The following CDH1 variants were observed in gnomAD, a reference collection of about 807,000 sequenced individuals.
The protein encoded by CDH1 is cadherin 1.
CDH1 carries 35 observed loss-of-function variants against 84.5 expected under a neutral mutation model. That is an observed-to-expected ratio of 0.41 (90% CI 0.32 to 0.55). The LOEUF is 0.55. Among genes scored for constraint, CDH1 ranks in the 20% least tolerant of loss-of-function variants. The pLI, the probability that CDH1 is intolerant of heterozygous loss-of-function variation, is 0.19. For missense variants in CDH1, 994 were observed against 1,126.6 expected, an observed-to-expected ratio of 0.88 and a Z score of 1.68; for synonymous variants, 417 against 439.0, an observed-to-expected ratio of 0.95 and a Z score of 0.63.
intron 2 of CDH1, among the ~76,000 whole-genome samples, chr16:68,764,164 A>T (rs1959303518): frequency 1.3e-5 from 2 of 152,170 alleles, no homozygotes; most frequent in African/African-American, 2.4e-5. Flanking sequence ...GTTGTAGACA[A>T]AGGGGTGTGT....
chr16:68,743,619 GC>G (rs1204319185), intron 2 of CDH1, among the ~76,000 whole-genome samples: 1 of 151,952 alleles, frequency 6.6e-6, no homozygotes, highest in Non-Finnish European at 1.5e-5. Context: ...ACCTGCCTCA[GC>G]CTCCCTAAGT....
At chr16:68,738,964 T>TTTTTTTTTAA (rs555202424) in intron 2 of CDH1, among the ~76,000 whole-genome samples, 1 of 65,364 alleles carries the variant, frequency 1.5e-5, no homozygotes, top group African/African-American at 5.7e-5. Flanking sequence ...TTTTTTTTTT[T>TTTTTTTTTAA]AAAGACAGGG....
intron 2 of CDH1, among the ~76,000 whole-genome samples, chr16:68,797,135 C>G (rs966980826): frequency 1.7e-4 from 26 of 152,134 alleles, no homozygotes; most frequent in African/African-American, 6.3e-4. Context: ...GCCTGTAATC[C>G]CAGAACTTTG....
intron 2 of CDH1, among the ~76,000 whole-genome samples, chr16:68,785,335 G>T (rs2152122661): frequency 6.6e-6 from 1 of 152,264 alleles, no homozygotes; most frequent in South Asian, 2.1e-4. Flanking sequence ...GAGACTACAG[G>T]CATGCACTAC....
intron 14 of CDH1, 75 bp from the exon 15 acceptor site, chr16:68,829,579 A>C: frequency 7.0e-7 from 1 of 1,429,760 alleles, no homozygotes. Context: ...CATAATCTAT[A>C]AACTGAACAT....
At chr16:68,820,961 C>T (rs970256011) in intron 11 of CDH1, among the ~76,000 whole-genome samples, 5 of 151,964 alleles carry the variant, frequency 3.3e-5, no homozygotes, top group Non-Finnish European at 7.4e-5. Context: ...TTTTAAATGA[C>T]GTGTGCTCAT....
At chr16:68,778,740 G>A (rs1477829084) in intron 2 of CDH1, among the ~76,000 whole-genome samples, 1 of 152,182 alleles carries the variant, frequency 6.6e-6, no homozygotes, top group Non-Finnish European at 1.5e-5. Context: ...AGCCTGACTG[G>A]TCTGAACTCC....
intron 10 of CDH1, 123 bp downstream of exon 10, chr16:68,815,882 A>C: frequency 8.3e-7 from 1 of 1,205,922 alleles, no homozygotes; most frequent in Non-Finnish European, 1.2e-6. Flanking sequence ...CATTCTCTTA[A>C]TTTATTTTTT....
At chr16:68,738,478 A>C (rs1962465205) in intron 2 of CDH1, 67 bp downstream of exon 2, 5 of 1,082,956 alleles carry the variant, frequency 4.6e-6, no homozygotes, top group Non-Finnish European at 6.8e-6. Context: ...GAGAAATTGC[A>C]CTCCCACACC....
chr16:68,796,448 A>G (rs1005413889), intron 2 of CDH1, among the ~76,000 whole-genome samples: 6 of 152,170 alleles, frequency 3.9e-5, no homozygotes, highest in African/African-American at 1.4e-4. Flanking sequence ...ACCCACTCAC[A>G]TTCCAGTTAT....
intron 2 of CDH1, among the ~76,000 whole-genome samples, chr16:68,740,247 A>T (rs1962527739): frequency 1.3e-5 from 2 of 152,168 alleles, no homozygotes; most frequent in African/African-American, 4.8e-5. Flanking sequence ...CTTTGACCAC[A>T]TGAATCTTTA....
chr16:68,742,261 G>A (rs1442444137), intron 2 of CDH1, among the ~76,000 whole-genome samples: 2 of 151,954 alleles, frequency 1.3e-5, no homozygotes, highest in Non-Finnish European at 1.5e-5. Flanking sequence ...AAACTTTGTG[G>A]ATTAAATACA....
At chr16:68,807,800 G>T (rs1248460228) in intron 3 of CDH1, among the ~76,000 whole-genome samples, 1 of 152,174 alleles carries the variant, frequency 6.6e-6, no homozygotes, top group Non-Finnish European at 1.5e-5. Context: ...TATATTATGG[G>T]CTGGGTGTGG....
intron 13 of CDH1, among the ~76,000 whole-genome samples, chr16:68,824,155 G>A (rs1054281417): frequency 4.6e-5 from 7 of 151,794 alleles, no homozygotes; most frequent in African/African-American, 7.3e-5. Context: ...GTGCCACCAC[G>A]CCCAGCTAAT....
intron 9 of CDH1, 180 bp downstream of exon 9, chr16:68,813,675 A>G: frequency 1.3e-6 from 1 of 755,948 alleles, no homozygotes; most frequent in Non-Finnish European, 2.4e-6. Flanking sequence ...AGAAATCAAG[A>G]AACTGTGCTG....
At chr16:68,830,152 C>G (rs943013934) in intron 15 of CDH1, among the ~76,000 whole-genome samples, 3 of 151,426 alleles carry the variant, frequency 2.0e-5, no homozygotes, top group African/African-American at 7.3e-5. Context: ...CAGGGTTTCT[C>G]CATGTTGGTC....
chr16:68,758,681 C>T (rs568316541), intron 2 of CDH1, among the ~76,000 whole-genome samples: 108 of 101,826 alleles, frequency 1.1e-3, no homozygotes, highest in African/African-American at 3.9e-3. Flanking sequence ...GGGCGGGGGG[C>T]GGGTAGTGTA....
rs34213487 is a variant in CDH1 at position 68,802,153 on chromosome 16, A to G, written c.387+260A>G. The stretch of plus-strand genomic sequence containing the variant: ...TGGGGGGACAAATCAGCCCAAGTTG[A>G]GGGCTCTTGGCCTAACTGAATAATT... On this transcript the variant is annotated intron_variant, in intron 3 of 15. Coordinates refer to ENST00000261769, the MANE Select transcript of CDH1 (RefSeq NM_004360.5). Among the ~76,000 whole-genome samples, 1,206 of 152,314 alleles carry G rather than the reference A, an allele frequency of 7.9e-3. 21 individuals are homozygous for G. Among genetic ancestry groups the G allele is most frequent in the African/African-American group, 0.027 (1,117 of 41,558 alleles).
intron 9 of CDH1, among the ~76,000 whole-genome samples, chr16:68,814,136 G>A (rs1960922012): frequency 6.6e-6 from 1 of 152,160 alleles, no homozygotes; most frequent in Non-Finnish European, 1.5e-5. Flanking sequence ...TAGGGAGGCT[G>A]AGGCAGGAGA....
Sources: gnomAD v4.1 joint callset for allele counts (sites outside exome capture counted in the v4.1 genomes callset) on GRCh38, gnomAD v4.1.1 for gene constraint, MANE v1.5 for transcripts, NCBI Gene and HGNC (gene_info 2026-07-23, HGNC 2026-07-21) for gene names.